BTD: variants seen among roughly 807,000 people sequenced by gnomAD.
BTD encodes the protein biotinidase.
BTD carries 13 observed loss-of-function variants against 17.7 expected under a neutral mutation model. That is an observed-to-expected ratio of 0.74 (90% CI 0.48 to 1.17). The LOEUF is 1.17. Ranked by LOEUF, BTD falls within the 50% of genes most tolerant of loss-of-function variation. The pLI, the probability that BTD is intolerant of heterozygous loss-of-function variation, is 0.00. For synonymous variants in BTD, 240 were observed against 245.2 expected, an observed-to-expected ratio of 0.98 and a Z score of 0.20; for missense variants, 674 against 650.4, an observed-to-expected ratio of 1.04 and a Z score of -0.39.
intron 3 of BTD, among the ~76,000 whole-genome samples, chr3:15,692,658 C>A (rs1473847200): frequency 6.6e-6 from 1 of 151,990 alleles, no homozygotes; most frequent in African/African-American, 2.4e-5. Flanking sequence ...CCAAGTTGTC[C>A]CGAATGGGAG....
downstream of BTD, chr3:15,713,514 G>A (rs756895336): frequency 5.6e-6 from 9 of 1,600,654 alleles, no homozygotes; most frequent in African/African-American, 4.0e-5. Flanking sequence ...TCAACACCTC[G>A]GTAAGTACTT....
intron 3 of BTD, chr3:15,707,828 C>G: frequency 7.0e-7 from 1 of 1,423,990 alleles, no homozygotes; most frequent in Non-Finnish European, 9.5e-7. Flanking sequence ...ACAAAAAATA[C>G]AAAGAGGAAA....
Position 15,601,945 on chromosome 3 carries a change from G to T in BTD, c.-17+51G>T, listed in dbSNP as rs2064267064. ...GGAGGGGGTGTGGTAAGGGCGTGCGGTCCAGACCCCGCCCCGGGCGCCCAG... is the reference window on the plus strand; with the variant it reads ...GGAGGGGGTGTGGTAAGGGCGTGCGTTCCAGACCCCGCCCCGGGCGCCCAG... On this transcript the variant is annotated intron_variant, in intron 1 of 3. Coordinates refer to ENST00000643237, the MANE Select transcript of BTD (RefSeq NM_001370658.1). The T allele has an allele frequency of 1.9e-6, 3 of 1,600,388 alleles. No individual in the cohort carries two copies. The African/African-American group carries it at 4.0e-5, about 21-fold the overall frequency.
At chr3:15,719,997 G>C (rs374471179) in intron 4 of BTD, among the ~76,000 whole-genome samples, 19 of 152,098 alleles carry the variant, frequency 1.2e-4, no homozygotes, top group African/African-American at 4.6e-4. Flanking sequence ...AACCTCCCAA[G>C]TAGCTGGGAC....
At position 15,645,505 on chromosome 3, in the gene BTD, G is replaced by A; in HGVS notation, c.*17G>A. On this transcript the variant is annotated 3_prime_UTR_variant, in exon 4 of 4. Coordinates refer to ENST00000643237, the MANE Select transcript of BTD (RefSeq NM_001370658.1). ...AGGGACTAGGAAAAGTGTGTGGTCTGTGGGGCGGACTCTGGCCATCATGTT... is the reference window on the plus strand; with the variant it reads ...AGGGACTAGGAAAAGTGTGTGGTCTATGGGGCGGACTCTGGCCATCATGTT... 1 of 1,600,874 alleles carries A rather than the reference G, an allele frequency of 6.2e-7. No individual in the cohort carries two copies. The highest frequency in any genetic ancestry group is 8.5e-7 in the Non-Finnish European group (1 of 1,179,890).
chr3:15,653,476 C>G lies in BTD; in HGVS notation c.*7988C>G, dbSNP rs1367168178. On this transcript the variant is annotated 3_prime_UTR_variant, in exon 4 of 4. Coordinates refer to ENST00000643237, the MANE Select transcript of BTD (RefSeq NM_001370658.1). ...CTGGACTAATGCACAGCCAGTGTTT[C>G]AACGTCGCCAACCCAGAAATGTTTT... Among the ~76,000 whole-genome samples the G allele has an allele frequency of 1.3e-5, 2 of 152,258 alleles. No individual in the cohort carries two copies. The highest frequency in any genetic ancestry group is 2.9e-5 in the Non-Finnish European group (2 of 68,048).
chr3:15,635,349 A>G lies in BTD; in HGVS notation c.-16-75A>G, dbSNP rs1204807708. 2 of 1,605,762 alleles carry G rather than the reference A, an allele frequency of 1.2e-6. No individual in the cohort carries two copies. The highest frequency in any genetic ancestry group is 1.7e-5 in the Admixed American group (1 of 60,004). On this transcript the variant is annotated intron_variant, in intron 1 of 3. Coordinates refer to ENST00000643237, the MANE Select transcript of BTD (RefSeq NM_001370658.1). This position sits in a 1 kb window ranked among gnomAD's most constrained non-coding sequence, Gnocchi z 4.1. The stretch of plus-strand genomic sequence containing the variant: ...TGAGTTTAATTGCTGGGATTAATAA[A>G]TCACAGCTGCAAACGTTAAATTCTT...
intron 1 of BTD, among the ~76,000 whole-genome samples, chr3:15,608,738 C>T (rs950483784): frequency 6.6e-6 from 1 of 151,526 alleles, no homozygotes; most frequent in African/African-American, 2.4e-5. Context: ...TGCACTCCAG[C>T]CTGGCGACAG....
chr3:15,714,708 A>T (rs924754), downstream of BTD: 784,356 of 1,330,260 alleles, frequency 0.59, 233,402 homozygotes, highest in Admixed American at 0.65. Flanking sequence ...TAATGTGTAA[A>T]CCTTAGTTTT....
Position 15,685,292 on chromosome 3 carries a change from T to C in BTD, c.400-24768T>C, listed in dbSNP as rs779626243. 1.5e-5 allele frequency: 24 copies of C among 1,613,882 alleles called. No individual in the cohort carries two copies. The highest frequency in any genetic ancestry group is 1.9e-5 in the Non-Finnish European group (23 of 1,179,874). On this transcript the variant is annotated intron_variant, in intron 3 of 3. Transcript: ENST00000672141. ...TCTGCTGTGGCTGGATTTGCATCCA[T>C]AGATGCTGCTGACTGCAAAAGGGCT... is the stretch of plus-strand genomic sequence containing the variant.
intron 1 of BTD, among the ~76,000 whole-genome samples, chr3:15,606,272 C>T (rs1048205822): frequency 2.0e-4 from 30 of 152,274 alleles, no homozygotes; most frequent in African/African-American, 6.7e-4. Context: ...GAATCAGCAT[C>T]TTAGGACAAG....
At chr3:15,714,399 T>C (rs1205669757), downstream of BTD, among the ~76,000 whole-genome samples, 1 of 151,998 alleles carries the variant, frequency 6.6e-6, no homozygotes, top group African/African-American at 2.4e-5. Flanking sequence ...GTATGAAAGA[T>C]ACAGCTACGT....
chr3:15,696,188 T>C (rs1248663442), intron 3 of BTD: 14 of 1,594,798 alleles, frequency 8.8e-6, no homozygotes, highest in Non-Finnish European at 1.2e-5. Flanking sequence ...CTGCGTTGTA[T>C]CCTTGCTTAT....
chr3:15,680,543 G>A (rs1334625547), intron 3 of BTD, among the ~76,000 whole-genome samples: 1 of 152,030 alleles, frequency 6.6e-6, no homozygotes, highest in East Asian at 1.9e-4. Flanking sequence ...GAGCTTCACA[G>A]TATCAAAGTA....
In BTD at chr3:15,635,653, A is replaced by C; in HGVS notation, c.214A>C (p.Ile72Leu). ...ALELMNQNLD[I>L]YEQQVMTAAQ... ...GGAGCTCATGAACCAGAACCTTGAC[A>C]TCTATGAACAGCAAGTGATGACTGC... The change falls in exon 2 of 4, where the codon ATC (isoleucine) becomes CTC (leucine). Residue 72 changes from isoleucine to leucine, a missense_variant. Physicochemically the swap from Ile to Leu is conservative, Grantham distance 5. Coordinates refer to ENST00000643237, the MANE Select transcript of BTD (RefSeq NM_001370658.1). This position sits in a 1 kb window ranked among gnomAD's most constrained non-coding sequence, Gnocchi z 4.1. 6.2e-7 allele frequency: 1 copy of C among 1,614,224 alleles called. No homozygotes were observed. The highest frequency in any genetic ancestry group is 8.5e-7 in the Non-Finnish European group (1 of 1,180,044).
chr3:15,630,354 T>C (rs1199753713), intron 1 of BTD, among the ~76,000 whole-genome samples: 2 of 152,244 alleles, frequency 1.3e-5, no homozygotes, highest in African/African-American at 4.8e-5. Flanking sequence ...AGCAACTGTC[T>C]GAGAATCAGT....
chr3:15,712,036 T>C (rs886250540), exon 4 of BTD: 2 of 874,166 alleles, frequency 2.3e-6, no homozygotes, highest in Non-Finnish European at 3.7e-6. Context: ...AAATTATCCA[T>C]ACTGGACCCA....
chr3:15,703,656 G>A (rs2070940441), intron 3 of BTD, among the ~76,000 whole-genome samples: 1 of 152,178 alleles, frequency 6.6e-6, no homozygotes, highest in Non-Finnish European at 1.5e-5. Context: ...AAGCCACCCA[G>A]TTTTTGGTAT....
chr3:15,606,690 C>G (rs1040813624), intron 1 of BTD: 6 of 152,232 alleles, frequency 3.9e-5, no homozygotes, highest in African/African-American at 1.4e-4. Flanking sequence ...CTTGCTTTCA[C>G]CTTTGCACCT....
Sources: gnomAD v4.1 joint callset for allele counts (sites outside exome capture counted in the v4.1 genomes callset) on GRCh38, gnomAD v4.1.1 for gene constraint, Gnocchi (gnomAD v3.1) non-coding constraint, MANE v1.5 for transcripts, NCBI Gene and HGNC (gene_info 2026-07-23, HGNC 2026-07-21) for gene names.